SIDT2: variants seen among roughly 807,000 people sequenced by gnomAD.
The protein encoded by SIDT2 is SID1 transmembrane family member 2, also known as SID1 transmembrane family, member 2.
Under a neutral mutation model 114.4 loss-of-function variants are expected in SIDT2, and 68 were observed. The observed-to-expected ratio is 0.59, with a 90% CI of 0.49 to 0.73. SIDT2 has a LOEUF of 0.73. SIDT2 is among the 30% of genes least tolerant of loss of function. SIDT2 has a pLI of 0.00. For synonymous variants in SIDT2, 470 were observed against 438.4 expected, an observed-to-expected ratio of 1.07 and a Z score of -0.90; for missense variants, 918 against 1,097.1, an observed-to-expected ratio of 0.84 and a Z score of 2.31.
In SIDT2 at chr11:117,190,071, T is replaced by TGGGGCA; in HGVS notation, c.1493+50_1493+55dup. 10 of 1,613,648 alleles carry TGGGGCA rather than the reference T, an allele frequency of 6.2e-6. No homozygotes were observed. The highest frequency in any genetic ancestry group is 8.5e-6 in the Non-Finnish European group (10 of 1,179,862). ...CCCCTTGTCCAGGCCAAGGGTGAAA[T>TGGGGCA]GGGGCAGGGCCTGGGGCTTTGCAAT... On this transcript the variant is annotated intron_variant, in intron 16 of 25. Transcript: ENST00000324225. The surrounding 1 kb of genome is among the most constrained non-coding windows in gnomAD (Gnocchi z 4.1).
At chr11:117,180,519 A>C (rs948377822) in intron 1 of SIDT2, among the ~76,000 whole-genome samples, 2 of 149,320 alleles carry the variant, frequency 1.3e-5, no homozygotes, top group Non-Finnish European at 3.0e-5. Context: ...CCAAGGGTGA[A>C]GATCACTTTA....
chr11:117,182,436 C>T, intron 4 of SIDT2, 83 bp from the exon 5 acceptor site: 1 of 1,282,332 alleles, frequency 7.8e-7, no homozygotes, highest in Non-Finnish European at 1.1e-6. Flanking sequence ...TGGGTCCTCG[C>T]TTATAGGGGA....
At position 117,188,924 on chromosome 11, in the gene SIDT2, A is replaced by G. The variant is rs2030600916; in HGVS notation, c.1278+98A>G. 8.0e-7 allele frequency: 1 copy of G among 1,255,538 alleles called. No homozygotes were observed. Among genetic ancestry groups the G allele is most frequent in the African/African-American group, 1.5e-5 (1 of 67,962 alleles). The allele number at this position is 1,255,538 out of a possible 1,614,324, so 77.8% of individuals were successfully genotyped here. The stretch of plus-strand genomic sequence containing the variant: ...TTCCCACTGACGTGGCATTTAGGGA[A>G]GCAGAAGGAAGGGGCTCAGCTGGGG... On this transcript the variant is annotated intron_variant, in intron 13 of 25. Transcript: ENST00000324225. The surrounding 1 kb of genome is among the most constrained non-coding windows in gnomAD (Gnocchi z 4.0).
Position 117,189,340 on chromosome 11 carries a change from T to A in SIDT2, c.1358T>A (p.Ile453Asn). ...RKKYQIYFWN[I>N]ATIAVFYALP... ...GCCGCCCTCCTGCTCCGCAGGAACA[T>A]TGCCACCATTGCTGTCTTCTATGCC... Residue 453 changes from isoleucine to asparagine, a missense_variant, in exon 15 of 26, where the codon ATT becomes AAT. By Grantham distance (149) the Ile-to-Asn change is moderately radical. This residue lies in a region of SIDT2 where 553 missense variants were observed against 600.1 expected (regional missense o/e 0.92). Transcript: ENST00000324225. 4.3e-6 allele frequency: 7 copies of A among 1,614,212 alleles called. No homozygotes were observed. Among genetic ancestry groups the A allele is most frequent in the Non-Finnish European group, 5.9e-6 (7 of 1,180,024 alleles).
At chr11:117,179,577 CCA>C in intron 1 of SIDT2, 131 bp downstream of exon 1, 1 of 875,158 alleles carries the variant, frequency 1.1e-6, no homozygotes, top group Non-Finnish European at 1.7e-6. Flanking sequence ...GTTCCCAGAA[CCA>C]CACTGGAGCC....
In SIDT2 at chr11:117,190,837, C is replaced by A. The variant is rs375595425; in HGVS notation, c.1735+97C>A. On this transcript the variant is annotated intron_variant, in intron 18 of 25. Transcript: ENST00000324225. The surrounding 1 kb of genome is among the most constrained non-coding windows in gnomAD (Gnocchi z 4.1). Reference sequence around the variant, plus strand: ...GTCACCCACAGGGATCGCTAAGACACCCCTGTAGGAAACTCCAAGGCTGGC... The same window carrying A: ...GTCACCCACAGGGATCGCTAAGACAACCCTGTAGGAAACTCCAAGGCTGGC... 2.1e-6 allele frequency: 2 copies of A among 959,196 alleles called. No homozygotes were observed. The highest frequency in any genetic ancestry group is 3.3e-6 in the Non-Finnish European group (2 of 601,708). The allele number at this position is 959,196 out of a possible 1,614,324, so 59.4% of individuals were successfully genotyped here.
intron 4 of SIDT2, 140 bp downstream of exon 4, chr11:117,182,245 C>A: frequency 1.0e-6 from 1 of 990,428 alleles, no homozygotes; most frequent in Non-Finnish European, 1.5e-6. Context: ...GGAGCTCTGG[C>A]CCTGACATGG....
In SIDT2 at chr11:117,181,687, C is replaced by T. The variant is rs572136005; in HGVS notation, c.306-120C>T. 3.7e-5 allele frequency: 58 copies of T among 1,570,806 alleles called. No homozygotes were observed. The African/African-American group carries it at 5.9e-4, about 16-fold the overall frequency. On this transcript the variant is annotated intron_variant, in intron 2 of 25. Coordinates refer to ENST00000324225, the MANE Select transcript of SIDT2 (RefSeq NM_001040455.2). ...AGGGCCGAGTCCCACCAGCCGGGAG[C>T]TTGTGCACCTCGCAGGGAGGTGGTG...
rs147895632 is a variant in SIDT2, at chr11:117,181,424, C to T, written c.192C>T (p.Gly64=). 152 of 1,613,326 alleles carry T rather than the reference C, an allele frequency of 9.4e-5. No individual in the cohort carries two copies. In the African/African-American group the frequency reaches 1.3e-3, roughly 14 times the overall value. The stretch of plus-strand genomic sequence containing the variant: ...TCCATGTCGTTCTGCAGACAGAGGG[C>T]GTGCGTGTGTCTGTGAACGTCCTGA... ...NHTVTRNRTE[G]VRVSVNVLNK... Residue 64 remains glycine, a synonymous_variant, in exon 2 of 26, where the codon GGC becomes GGT. Coordinates refer to ENST00000324225, the MANE Select transcript of SIDT2 (RefSeq NM_001040455.2).
Position 117,183,647 on chromosome 11 carries a change from A to C in SIDT2, c.703-132A>C, listed in dbSNP as rs546436160. On this transcript the variant is annotated intron_variant, in intron 6 of 25. Transcript: ENST00000324225. ...GAGTGAAACTCCGTCTCAAAAAAAA[A>C]AAAAATCTTGTGAGGATTAAGTAAA... is the stretch of plus-strand genomic sequence containing the variant. The C allele has an allele frequency of 9.3e-5, 67 of 718,836 alleles. No individual in the cohort carries two copies. The African/African-American group carries it at 1.2e-3, about 13-fold the overall frequency. 44.5% of individuals were successfully genotyped at this position (718,836 alleles called of 1,614,324 possible). A position where few individuals can be genotyped will look rare whatever the true frequency, so the allele number is the denominator to read the frequency against.
rs1271638096 is a variant in SIDT2, at chr11:117,186,636, G to A, written c.1015G>A (p.Gly339Ser). 6.4e-7 allele frequency: 1 copy of A among 1,564,126 alleles called. No homozygotes were observed. The change falls in exon 10 of 26, where the codon GGT becomes AGT. Residue 339 changes from glycine (G) to serine (S), a missense_variant and splice_region_variant. This residue lies in a region of SIDT2 where 553 missense variants were observed against 600.1 expected (regional missense o/e 0.92). Transcript: ENST00000324225. Reference protein sequence around the residue: ...VAIDRACPESGHPRVLADSFP... With the variant: ...VAIDRACPESSHPRVLADSFP... ...CATTGACCGAGCCTGCCCAGAAAGC[G>A]GTACCTCCAGGGGGCCTGGGTGGGG...
At position 117,189,102 on chromosome 11, in the gene SIDT2, C is replaced by G. The variant is rs2030607642; in HGVS notation, c.1279-67C>G. The G allele has an allele frequency of 1.2e-5, 19 of 1,537,048 alleles. No homozygotes were observed. In the South Asian group the frequency reaches 1.9e-4, roughly 15 times the overall value. ...TGTGAGGGAGGCCCCTCTTGTCCAC[C>G]TCTAACCTGGGGGAGGGGGCTTCTC... On this transcript the variant is annotated intron_variant, in intron 13 of 25. Coordinates refer to ENST00000324225, the MANE Select transcript of SIDT2 (RefSeq NM_001040455.2).
At chr11:117,186,779 A>C in intron 10 of SIDT2, 143 bp downstream of exon 10, 1 of 943,308 alleles carries the variant, frequency 1.1e-6, no homozygotes, top group Non-Finnish European at 1.6e-6. Flanking sequence ...CACAGATGGG[A>C]ATGAGGCTGG....
At position 117,192,306 on chromosome 11, in the gene SIDT2, T is replaced by A. The variant is rs543502129; in HGVS notation, c.1925T>A (p.Ile642Asn). 6.2e-7 allele frequency: 1 copy of A among 1,612,886 alleles called. No individual in the cohort carries two copies. Among genetic ancestry groups the A allele is most frequent in the Admixed American group, 1.7e-5 (1 of 60,002 alleles). The change falls in exon 20 of 26, where the codon ATC becomes AAC. Residue 642 changes from isoleucine to asparagine, a missense_variant. By Grantham distance (149) the Ile-to-Asn change is moderately radical (BLOSUM62 -3). This residue lies in a region of SIDT2 where 275 missense variants were observed against 397.6 expected (regional missense o/e 0.69). Coordinates refer to ENST00000324225, the MANE Select transcript of SIDT2 (RefSeq NM_001040455.2). The surrounding 1 kb of genome is among the most constrained non-coding windows in gnomAD (Gnocchi z 5.9). Reference sequence around the variant, plus strand: ...TGGATCGTCTTCTCCATCATTCACATCATCGCCACCCTGCTCCTCAGCACG... The same window carrying A: ...TGGATCGTCTTCTCCATCATTCACAACATCGCCACCCTGCTCCTCAGCACG... Reference protein sequence around the residue: ...AFWIVFSIIHIIATLLLSTQL... With the variant: ...AFWIVFSIIHNIATLLLSTQL...
Position 117,192,332 on chromosome 11 carries a change from C to A in SIDT2, c.1951C>A (p.Gln651Lys). ...HIIATLLLST[Q>K]LYYMGRWKLD... ...CATCGCCACCCTGCTCCTCAGCACG[C>A]AGCTCTATTACATGGGCCGGTGGAA... Residue 651 changes from glutamine to lysine, a missense_variant, in exon 20 of 26, where the codon CAG (glutamine) becomes AAG (lysine). Gln to Lys is a moderately conservative substitution (Grantham distance 53). Transcript: ENST00000324225. The surrounding 1 kb of genome is among the most constrained non-coding windows in gnomAD (Gnocchi z 5.9). 1 of 1,609,404 alleles carries A rather than the reference C, an allele frequency of 6.2e-7. No homozygotes were observed. The highest frequency in any genetic ancestry group is 8.5e-7 in the Non-Finnish European group (1 of 1,175,892).
chr11:117,187,880 T>A (rs1245891898), intron 12 of SIDT2, 181 bp downstream of exon 12: 1 of 718,708 alleles, frequency 1.4e-6, no homozygotes, highest in Non-Finnish European at 2.5e-6. Context: ...TAACTTTCCC[T>A]TTCCTTTGAA....
At position 117,182,742 on chromosome 11, in the gene SIDT2, A is replaced by G. The variant is rs768818608; in HGVS notation, c.638A>G (p.Asp213Gly). ...QDVLCPVYDL[D>G]NNVAFIGMYQ... ...CTGCAGTGTCCTGTCTATGACCTGG[A>G]CAACAACGTAGCCTTCATCGGCATG... Residue 213 changes from aspartate (D) to glycine (G), a missense_variant, in exon 6 of 26, where the codon GAC (aspartate) becomes GGC (glycine). Coordinates refer to ENST00000324225, the MANE Select transcript of SIDT2 (RefSeq NM_001040455.2). The G allele has an allele frequency of 7.1e-5, 115 of 1,614,070 alleles. No individual in the cohort carries two copies. The highest frequency in any genetic ancestry group is 8.7e-5 in the Non-Finnish European group (103 of 1,180,018).
Position 117,191,871 on chromosome 11 carries a change from A to C in SIDT2, c.1736-7A>C. On this transcript the variant is annotated splice_polypyrimidine_tract_variant and splice_region_variant and intron_variant, in intron 18 of 25. Transcript: ENST00000324225. ...TCTGCAGCTCCCTTCCGTGTCCCTCATCCTAGACACATCGTTCATGTACAT... is the reference window on the plus strand; with the variant it reads ...TCTGCAGCTCCCTTCCGTGTCCCTCCTCCTAGACACATCGTTCATGTACAT... 1 of 1,613,944 alleles carries C rather than the reference A, an allele frequency of 6.2e-7. No individual in the cohort carries two copies.
rs1421246441 is a variant in SIDT2 at position 117,184,064 on chromosome 11, T to G, written c.803-10T>G. 6.2e-7 allele frequency: 1 copy of G among 1,614,114 alleles called. No homozygotes were observed. The highest frequency in any genetic ancestry group is 8.5e-7 in the Non-Finnish European group (1 of 1,180,006). On this transcript the variant is annotated splice_polypyrimidine_tract_variant and intron_variant, in intron 7 of 25. Coordinates refer to ENST00000324225, the MANE Select transcript of SIDT2 (RefSeq NM_001040455.2). ...GCAACTAGTTTACCACTTTGACATT[T>G]TACTTCCAGATGAACCGGTCGATCA...
Sources: gnomAD v4.1 joint callset for allele counts (sites outside exome capture counted in the v4.1 genomes callset) on GRCh38, gnomAD v4.1.1 for gene constraint, gnomAD v4.1.1 regional missense constraint, Gnocchi (gnomAD v3.1) non-coding constraint, MANE v1.5 for transcripts, NCBI Gene and HGNC (gene_info 2026-07-23, HGNC 2026-07-21) for gene names.